DLGAP2: variants seen among roughly 807,000 people sequenced by gnomAD.
The protein encoded by DLGAP2 is DLG associated protein 2, also known as disks large-associated protein 2.
A neutral mutation model predicts 100.3 loss-of-function variants in DLGAP2; 26 were observed. That is an observed-to-expected ratio of 0.26 (90% CI 0.19 to 0.36). DLGAP2 has a LOEUF of 0.36. DLGAP2 is among the 10% of genes least tolerant of loss of function. The probability of loss-of-function intolerance (pLI) is 1.00; values close to 1 mark genes in which losing one functional copy is unlikely to be tolerated. For synonymous variants in DLGAP2, 886 were observed against 630.1 expected (o/e 1.41, Z -6.08); for missense variants, 1,858 against 1,453.2 (o/e 1.28, Z -4.53).
At chr8:1,253,694 A>T (rs908914399) in intron 2 of DLGAP2, among the ~76,000 whole-genome samples, 5 of 152,180 alleles carry the variant, frequency 3.3e-5, no homozygotes, top group Non-Finnish European at 7.3e-5. Context: ...ACCATCAGAC[A>T]GATTTCTCCA....
intron 3 of DLGAP2, among the ~76,000 whole-genome samples, chr8:1,423,206 T>C (rs530547592): frequency 1.6e-3 from 243 of 152,236 alleles, no homozygotes; most frequent in African/African-American, 5.7e-3. Context: ...CAGCAGAGAT[T>C]GAGTTTTTTT....
intron 1 of DLGAP2, among the ~76,000 whole-genome samples, chr8:805,899 T>A (rs146439138): frequency 4.2e-4 from 64 of 152,366 alleles, no homozygotes; most frequent in African/African-American, 1.5e-3. Context: ...GCTGGGAACA[T>A]AGCCAGCACC....
intron 3 of DLGAP2, among the ~76,000 whole-genome samples, chr8:1,269,917 T>C (rs866563435): frequency 1.3e-5 from 2 of 152,184 alleles, no homozygotes; most frequent in Admixed American, 1.3e-4. Flanking sequence ...TAAATCTTCA[T>C]CTCCTCTTCA....
chr8:963,199 G>A (rs973990015), intron 2 of DLGAP2, among the ~76,000 whole-genome samples: 6 of 152,026 alleles, frequency 3.9e-5, no homozygotes, highest in Non-Finnish European at 8.8e-5. Flanking sequence ...ATAGGACCTT[G>A]CCTGCAGGGA....
intron 12 of DLGAP2, among the ~76,000 whole-genome samples, chr8:1,690,750 T>G: frequency 8.7e-6 from 1 of 115,318 alleles, no homozygotes; most frequent in Non-Finnish European, 1.9e-5. Flanking sequence ...ATTAACCAAA[T>G]AAAGTCATTG....
At chr8:1,214,235 G>C (rs73670678) in intron 2 of DLGAP2, among the ~76,000 whole-genome samples, 2 of 152,042 alleles carry the variant, frequency 1.3e-5, no homozygotes, top group Non-Finnish European at 2.9e-5. Flanking sequence ...CCCCTCCTCA[G>C]CAAGTCCTCT....
intron 4 of DLGAP2, among the ~76,000 whole-genome samples, chr8:1,540,071 C>T (rs1246719688): frequency 2.0e-5 from 3 of 152,224 alleles, no homozygotes; most frequent in African/African-American, 7.2e-5. Context: ...GTCCTCCTCC[C>T]TGGCAGTGCC....
intron 4 of DLGAP2, among the ~76,000 whole-genome samples, chr8:1,521,829 A>G (rs1291923443): frequency 7.0e-6 from 1 of 143,346 alleles, no homozygotes; most frequent in Admixed American, 7.0e-5. Context: ...ACTTGTTTTA[A>G]TTTGGAATAC....
chr8:1,555,825 A>G (rs1465779310), intron 5 of DLGAP2, among the ~76,000 whole-genome samples: 2 of 152,202 alleles, frequency 1.3e-5, no homozygotes, highest in Non-Finnish European at 2.9e-5. Context: ...ATGCTGATGG[A>G]TGTTGAAGGG....
chr8:1,449,389 C>G (rs978845954), intron 3 of DLGAP2, among the ~76,000 whole-genome samples: 4 of 152,316 alleles, frequency 2.6e-5, no homozygotes, highest in Middle Eastern at 3.4e-3. Context: ...TCAGAGTTGT[C>G]TTGGGGCTGG....
At chr8:1,182,479 C>T (rs564452969) in intron 2 of DLGAP2, among the ~76,000 whole-genome samples, 1 of 152,170 alleles carries the variant, frequency 6.6e-6, no homozygotes, top group African/African-American at 2.4e-5. Flanking sequence ...TCTCGTAGCC[C>T]TAACAGAATT....
At chr8:1,056,274 G>A (rs1802881016) in intron 2 of DLGAP2, among the ~76,000 whole-genome samples, 1 of 152,148 alleles carries the variant, frequency 6.6e-6, no homozygotes, top group African/African-American at 2.4e-5. Flanking sequence ...CTCCACTCGT[G>A]GCATCTGTGG....
chr8:1,415,606 C>T (rs1020623005), intron 3 of DLGAP2, among the ~76,000 whole-genome samples: 4 of 152,174 alleles, frequency 2.6e-5, no homozygotes, highest in African/African-American at 9.7e-5. Context: ...GACTAAGGCC[C>T]CCACCTGCAT....
intron 3 of DLGAP2, among the ~76,000 whole-genome samples, chr8:1,384,345 G>GTGCACAGTTACCCCGGCCTGTGCCCGT (rs1796166130): frequency 5.1e-5 from 6 of 117,700 alleles, no homozygotes; most frequent in African/African-American, 1.2e-4. Context: ...CCTGTGCCCG[G>GTGCACAGTTACCCCGGCCTGTGCCCGT]CCCCTGAGAA....
intron 2 of DLGAP2, among the ~76,000 whole-genome samples, chr8:1,000,593 G>C (rs1251008410): frequency 6.6e-6 from 1 of 152,216 alleles, no homozygotes; most frequent in African/African-American, 2.4e-5. Context: ...TTTGCATGTG[G>C]TGTTCCATTT....
intron 3 of DLGAP2, among the ~76,000 whole-genome samples, chr8:1,293,708 C>T (rs1269213117): frequency 6.6e-6 from 1 of 152,162 alleles, no homozygotes; most frequent in East Asian, 1.9e-4. Context: ...CTGAGCCCTT[C>T]CCCATTCTTT....
intron 12 of DLGAP2, among the ~76,000 whole-genome samples, chr8:1,686,841 G>C (rs570342758): frequency 2.5e-4 from 38 of 152,294 alleles, no homozygotes; most frequent in Non-Finnish European, 2.8e-4. Flanking sequence ...GGTTAATAAT[G>C]TATCATGTAT....
intron 7 of DLGAP2, among the ~76,000 whole-genome samples, chr8:1,628,808 G>A (rs543546248): frequency 5.3e-5 from 8 of 152,250 alleles, no homozygotes; most frequent in East Asian, 1.9e-4. Context: ...AGCCTGAGCC[G>A]ACCTCACATT....
At chr8:1,605,230 G>A (rs111404053) in intron 6 of DLGAP2, among the ~76,000 whole-genome samples, 3 of 152,066 alleles carry the variant, frequency 2.0e-5, no homozygotes, top group Admixed American at 6.5e-5. Flanking sequence ...CCCCAGATCC[G>A]GACCTCCTGA....
Sources: allele counts gnomAD v4.1 joint callset (sites outside exome capture counted in the v4.1 genomes callset), GRCh38; gene constraint gnomAD v4.1.1; transcripts MANE v1.5; gene names NCBI Gene and HGNC (gene_info 2026-07-23, HGNC 2026-07-21).